The following TEAD3 variants were observed in gnomAD, a reference collection of about 807,000 sequenced individuals.
TEAD3 encodes TEA domain transcription factor 3.
In TEAD3, 15 loss-of-function variants were observed where a neutral mutation model predicts 55.6. That is an observed-to-expected ratio of 0.27 (90% CI 0.18 to 0.42). TEAD3 has a LOEUF of 0.42. Among genes scored for constraint, TEAD3 ranks in the 10% least tolerant of loss-of-function variants. TEAD3 has a pLI of 1.00. For synonymous variants in TEAD3, 210 were observed against 232.2 expected (o/e 0.90, Z 0.87); for missense variants, 407 against 576.8 (o/e 0.71, Z 3.01).
exon 10 of TEAD3, chr6:35,476,014 G>A (rs368261287): frequency 9.6e-6 from 15 of 1,563,902 alleles, no homozygotes; most frequent in African/African-American, 4.1e-5. Context: ...TAGATCTGGC[G>A]CACATCTACT....
chr6:35,484,197 C>T lies in TEAD3; in HGVS notation c.267+363G>A, dbSNP rs1768319728. 6.6e-6 allele frequency among the ~76,000 whole-genome samples: 1 copy of T among 152,184 alleles called. No homozygotes were observed. Among genetic ancestry groups the T allele is most frequent in the Non-Finnish European group, 1.5e-5 (1 of 68,036 alleles). On this transcript the variant is annotated intron_variant, in intron 3 of 12. Coordinates refer to ENST00000639578, the Ensembl canonical transcript of TEAD3. The surrounding 1 kb of genome is among the most constrained non-coding windows in gnomAD (Gnocchi z 5.8). ...CCCCGCCACCTTGCTCTGTACCCAT[C>T]CATCTGACCATCTGGCTCCCTGGCT...
chr6:35,479,613 C>G (rs1768226895), intron 4 of TEAD3, among the ~76,000 whole-genome samples: 1 of 152,196 alleles, frequency 6.6e-6, no homozygotes, highest in Non-Finnish European at 1.5e-5. Flanking sequence ...TCTGCTGCAC[C>G]GCTGTGGGCA....
chr6:35,474,663 T>G, downstream of TEAD3: 2 of 210,676 alleles, frequency 9.5e-6, no homozygotes, highest in Non-Finnish European at 1.9e-5. Flanking sequence ...TCCCTTGGTC[T>G]CCATCCTGCC....
intron 3 of TEAD3, among the ~76,000 whole-genome samples, chr6:35,481,461 C>T (rs1768265944): frequency 6.6e-6 from 1 of 152,168 alleles, no homozygotes; most frequent in South Asian, 2.1e-4. Context: ...GTGATACCAC[C>T]TGGTTAGGAC....
At position 35,475,538 on chromosome 6, in the gene TEAD3, C is replaced by T; in HGVS notation, c.1041+28G>A. 6.2e-7 allele frequency: 1 copy of T among 1,604,202 alleles called. No individual in the cohort carries two copies. The highest frequency in any genetic ancestry group is 8.5e-7 in the Non-Finnish European group (1 of 1,173,204). ...CACTCGGCCTGCCTGCTCCCAGCCCCACCAAGCCACCCAGAGCCCCCACTC... is the reference window on the plus strand; with the variant it reads ...CACTCGGCCTGCCTGCTCCCAGCCCTACCAAGCCACCCAGAGCCCCCACTC... On this transcript the variant is annotated intron_variant, in intron 11 of 12. Coordinates refer to ENST00000639578, the Ensembl canonical transcript of TEAD3. The surrounding 1 kb of genome is among the most constrained non-coding windows in gnomAD (Gnocchi z 5.4).
rs1326167771 is a variant in TEAD3 at position 35,491,030 on chromosome 6, G to A, written c.-49-4319C>T. On this transcript the variant is annotated intron_variant, in intron 1 of 12. Coordinates refer to ENST00000639578, the Ensembl canonical transcript of TEAD3. The surrounding 1 kb of genome is among the most constrained non-coding windows in gnomAD (Gnocchi z 4.4). ...GGGTGGGGCCTGAGACAGACAGGAGGGGCAGGGGAGACAGGCTGGGGGAGA... is the reference window on the plus strand; with the variant it reads ...GGGTGGGGCCTGAGACAGACAGGAGAGGCAGGGGAGACAGGCTGGGGGAGA... 6.6e-6 allele frequency among the ~76,000 whole-genome samples: 1 copy of A among 152,060 alleles called. No individual in the cohort carries two copies. Among genetic ancestry groups the A allele is most frequent in the Non-Finnish European group, 1.5e-5 (1 of 67,998 alleles).
rs573040486 is a variant in TEAD3 at position 35,486,830 on chromosome 6, G to A, written c.-49-119C>T. ...AGCCCCAAGCCCACCCTAGGAGCAG[G>A]TGCTCCAGGTGGAACGGAGGTAACC... On this transcript the variant is annotated intron_variant, in intron 1 of 12. Transcript: ENST00000639578. This position sits in a 1 kb window ranked among gnomAD's most constrained non-coding sequence, Gnocchi z 7.3. The A allele has an allele frequency of 2.0e-4, 134 of 673,846 alleles. No individual in the cohort carries two copies. The African/African-American group carries it at 2.1e-3, about 11-fold the overall frequency. 41.7% of individuals were successfully genotyped at this position (673,846 alleles called of 1,614,324 possible). A position where few individuals can be genotyped will look rare whatever the true frequency, so the allele number is the denominator to read the frequency against.
rs1659064981 is a variant in TEAD3, at chr6:35,485,937, G to A, written c.202+524C>T. Among the ~76,000 whole-genome samples the A allele has an allele frequency of 6.6e-6, 1 of 152,216 alleles. No individual in the cohort carries two copies. Among genetic ancestry groups the A allele is most frequent in the Non-Finnish European group, 1.5e-5 (1 of 68,028 alleles). On this transcript the variant is annotated intron_variant, in intron 2 of 12. Coordinates refer to ENST00000639578, the Ensembl canonical transcript of TEAD3. This position sits in a 1 kb window ranked among gnomAD's most constrained non-coding sequence, Gnocchi z 4.3. ...GAGGGGACACTCCCTTCTGGAAATG[G>A]GCAAGATGGCAAAGAGGAGGGCCAA...
chr6:35,487,548 CAAAAAA>C (rs869103103), intron 1 of TEAD3, among the ~76,000 whole-genome samples: 1 of 54,640 alleles, frequency 1.8e-5, no homozygotes, highest in African/African-American at 6.0e-5. Context: ...CGAGACTCCT[CAAAAAA>C]AAAAAAAAAA....
chr6:35,474,793 G>C (rs1768106529), downstream of TEAD3: 1 of 481,938 alleles, frequency 2.1e-6, no homozygotes, highest in African/African-American at 2.0e-5. Flanking sequence ...GGCAGAGCAG[G>C]GTGATGGTGG....
intron 1 of TEAD3, among the ~76,000 whole-genome samples, chr6:35,490,152 C>T (rs1314779771): frequency 6.6e-6 from 1 of 152,200 alleles, no homozygotes; most frequent in Non-Finnish European, 1.5e-5. Flanking sequence ...CCTGCCTCCC[C>T]CAAGTCCCTG....
intron 3 of TEAD3, among the ~76,000 whole-genome samples, chr6:35,482,185 C>T (rs1202172193): frequency 6.6e-6 from 1 of 152,084 alleles, no homozygotes; most frequent in East Asian, 1.9e-4. Context: ...GGGGTTTCAC[C>T]ATGTTGACCA....
At chr6:35,477,289 G>A (rs748110032) in intron 8 of TEAD3, 22 bp downstream of exon 8, 1 of 1,609,698 alleles carries the variant, frequency 6.2e-7, no homozygotes, top group Non-Finnish European at 8.5e-7. Flanking sequence ...CCAAGGGAGA[G>A]CACCTCGTGT....
chr6:35,475,674 C>T lies in TEAD3; in HGVS notation c.933G>A (p.Pro311=), dbSNP rs766800640. 1.1e-5 allele frequency: 17 copies of T among 1,611,554 alleles called. No homozygotes were observed. Among genetic ancestry groups the T allele is most frequent in the Admixed American group, 3.3e-5 (2 of 59,824 alleles). ...GAGAGCTGACCCCATAGAAGGCTCCCGGGCCCTCCTGGATGGTGCTGTTGA... is the reference window on the plus strand; with the variant it reads ...GAGAGCTGACCCCATAGAAGGCTCCTGGGCCCTCCTGGATGGTGCTGTTGA... The change falls in exon 11 of 13, where the codon CCG becomes CCA. Residue 311 remains proline (P), a synonymous_variant. Coordinates refer to ENST00000639578, the Ensembl canonical transcript of TEAD3. This position sits in a 1 kb window ranked among gnomAD's most constrained non-coding sequence, Gnocchi z 5.4.
chr6:35,488,415 C>G lies in TEAD3; in HGVS notation c.-49-1704G>C, dbSNP rs1213318849. ...GACTCACCCCAAATCCCCTTCAGCC[C>G]CAGAACCCACATGTCCAATGTATTC... On this transcript the variant is annotated intron_variant, in intron 1 of 12. Coordinates refer to ENST00000639578, the Ensembl canonical transcript of TEAD3. This position sits in a 1 kb window ranked among gnomAD's most constrained non-coding sequence, Gnocchi z 4.2. 6.6e-6 allele frequency among the ~76,000 whole-genome samples: 1 copy of G among 152,182 alleles called. No homozygotes were observed. The highest frequency in any genetic ancestry group is 1.5e-5 in the Non-Finnish European group (1 of 68,038).
rs773682085 is a variant in TEAD3, at chr6:35,475,055, C to T, written c.1297G>A (p.Val433Ile). Residue 433 changes from valine to isoleucine, a missense_variant, in exon 13 of 13, where the codon GTC becomes ATC. By Grantham distance (29) the Val-to-Ile change is conservative. Coordinates refer to ENST00000639578, the Ensembl canonical transcript of TEAD3. This position sits in a 1 kb window ranked among gnomAD's most constrained non-coding sequence, Gnocchi z 5.4. The stretch of plus-strand genomic sequence containing the variant: ...GCGCAGAGGGCACCCTAGTCTTTGA[C>T]GAGCTTGTAGACATGGTGCTGGGCC... The T allele has an allele frequency of 4.0e-5, 64 of 1,583,254 alleles. No homozygotes were observed. The highest frequency in any genetic ancestry group is 1.7e-4 in the African/African-American group (13 of 74,308).
chr6:35,481,565 G>A (rs1157027697), intron 3 of TEAD3, among the ~76,000 whole-genome samples: 1 of 152,148 alleles, frequency 6.6e-6, no homozygotes, highest in Non-Finnish European at 1.5e-5. Context: ...GACAGTAACT[G>A]GCGTTTACTG....
intron 1 of TEAD3, among the ~76,000 whole-genome samples, chr6:35,494,363 G>C (rs760424350): frequency 6.6e-6 from 1 of 152,206 alleles, no homozygotes; most frequent in Non-Finnish European, 1.5e-5. Context: ...CCTGTGGGTC[G>C]GGGAAGACAG....
exon 5 of TEAD3, chr6:35,479,307 G>C: frequency 6.2e-7 from 1 of 1,614,004 alleles, no homozygotes; most frequent in Non-Finnish European, 8.5e-7. Flanking sequence ...CTACTTACCA[G>C]GTTCATGGCC....
Sources: gnomAD v4.1 joint callset for allele counts (sites outside exome capture counted in the v4.1 genomes callset) on GRCh38, gnomAD v4.1.1 for gene constraint, Gnocchi (gnomAD v3.1) non-coding constraint, MANE v1.5 for transcripts, NCBI Gene and HGNC (gene_info 2026-07-23, HGNC 2026-07-21) for gene names.